Variants in ALB observed in about 807,000 individuals in gnomAD.
ALB encodes serum albumin.
In ALB, 37 loss-of-function variants were observed where a neutral mutation model predicts 74.5. The ratio of observed to expected loss-of-function variants is 0.50; its 90% confidence interval spans 0.38 to 0.65. ALB has a LOEUF of 0.65. ALB is among the 30% of genes least tolerant of loss of function. The probability of loss-of-function intolerance (pLI) is 0.00; values close to 1 mark genes in which losing one functional copy is unlikely to be tolerated. For synonymous variants in ALB, 249 were observed against 251.6 expected, an observed-to-expected ratio of 0.99 and a Z score of 0.10; for missense variants, 685 against 718.7, an observed-to-expected ratio of 0.95 and a Z score of 0.54.
intron 9 of ALB, chr4:73,415,384 T>G (rs894204777): frequency 3.8e-6 from 2 of 521,064 alleles, no homozygotes; most frequent in African/African-American, 3.9e-5. Flanking sequence ...AATAGAGCAA[T>G]CTCTAAAAAA....
chr4:73,415,665 A>G (rs1473391623), intron 9 of ALB, among the ~76,000 whole-genome samples: 2 of 152,200 alleles, frequency 1.3e-5, no homozygotes, highest in African/African-American at 2.4e-5. Flanking sequence ...TCCCACTAGC[A>G]TATGTAATGG....
At chr4:73,419,237 T>G in intron 12 of ALB, 1 of 341,068 alleles carries the variant, frequency 2.9e-6, no homozygotes, top group Non-Finnish European at 5.4e-6. Flanking sequence ...AGAAATTTGT[T>G]GACACTACAT....
chr4:73,417,060 A>G (rs1372488223), intron 10 of ALB, among the ~76,000 whole-genome samples: 2 of 152,220 alleles, frequency 1.3e-5, no homozygotes, highest in African/African-American at 4.8e-5. Context: ...TTGACTTTTA[A>G]TGGTGACTGG....
rs142102638 is a variant in ALB, at chr4:73,410,904, CT to C, written c.713+499del. Among the ~76,000 whole-genome samples the C allele has an allele frequency of 1.0e-2, 1,520 of 152,092 alleles. 29 individuals carry two copies. The highest frequency in any genetic ancestry group is 0.035 in the African/African-American group (1,437 of 41,488). On this transcript the variant is annotated intron_variant, in intron 6 of 14. Coordinates refer to ENST00000295897, the MANE Select transcript of ALB (RefSeq NM_000477.7). ...AATGATCTAAAACTATTTGCTTGTC[CT>C]TTTATGTCTTATAGTTAAATTCAGT... is the stretch of plus-strand genomic sequence containing the variant.
intron 2 of ALB, among the ~76,000 whole-genome samples, chr4:73,405,586 A>T (rs1718699695): frequency 6.6e-6 from 1 of 151,796 alleles, no homozygotes; most frequent in Admixed American, 6.6e-5. Flanking sequence ...TTAGTTGGGA[A>T]TATTTAATTT....
At position 73,413,379 on chromosome 4, in the gene ALB, T is replaced by A. The variant is rs1373979359; in HGVS notation, c.844-41T>A. On this transcript the variant is annotated intron_variant, in intron 7 of 14. Coordinates refer to ENST00000295897, the MANE Select transcript of ALB (RefSeq NM_000477.7). ...AAGGTCTGAGGAGAAAGTGTAGCAA[T>A]GTCAATTCGTGTTGAACAATTTCCA... The A allele has an allele frequency of 1.9e-6, 3 of 1,540,454 alleles. No individual in the cohort carries two copies. The Admixed American group carries it at 5.0e-5, about 26-fold the overall frequency.
In ALB at chr4:73,415,387, C is replaced by G. The variant is rs1206993212; in HGVS notation, c.1191+220C>G. The G allele has an allele frequency of 1.6e-5, 8 of 500,754 alleles. No homozygotes were observed. The Admixed American group carries it at 2.5e-4, about 16-fold the overall frequency. 31.0% of individuals were successfully genotyped at this position (500,754 alleles called of 1,614,324 possible). A position where few individuals can be genotyped will look rare whatever the true frequency, so the allele number is the denominator to read the frequency against. ...TAGAAAGATCTGAATAGAGCAATCTCTAAAAAATTTTGATCTTTTTTTCTC... is the reference window on the plus strand; with the variant it reads ...TAGAAAGATCTGAATAGAGCAATCTGTAAAAAATTTTGATCTTTTTTTCTC... On this transcript the variant is annotated intron_variant, in intron 9 of 14. Coordinates refer to ENST00000295897, the MANE Select transcript of ALB (RefSeq NM_000477.7).
intron 7 of ALB, among the ~76,000 whole-genome samples, chr4:73,413,030 C>G (rs1489067918): frequency 6.6e-6 from 1 of 152,116 alleles, no homozygotes; most frequent in Non-Finnish European, 1.5e-5. Context: ...GGGCCTATGA[C>G]TATGATCTTG....
intron 3 of ALB, among the ~76,000 whole-genome samples, chr4:73,407,886 T>C (rs1718773077): frequency 6.6e-6 from 1 of 152,196 alleles, no homozygotes; most frequent in Admixed American, 6.5e-5. Context: ...CCCCTTTTTA[T>C]TATGTACCTC....
rs868258305 is a variant in ALB, at chr4:73,421,231, A to C, written c.*163A>C. 1 of 606,040 alleles carries C rather than the reference A, an allele frequency of 1.7e-6. No individual in the cohort carries two copies. Among genetic ancestry groups the C allele is most frequent in the African/African-American group, 1.9e-5 (1 of 53,560 alleles). 37.5% of individuals were successfully genotyped at this position (606,040 alleles called of 1,614,324 possible). ...TTTTGCCTCTTTTCTCTGTGCTTCA[A>C]TTAATAAAAAATGGAAAGAATCTAA... On this transcript the variant is annotated 3_prime_UTR_variant, in exon 15 of 15. Transcript: ENST00000295897.
intron 1 of ALB, 55 bp from the exon 2 acceptor site, chr4:73,405,050 AAGTAACATTAT>A: frequency 1.4e-6 from 2 of 1,454,620 alleles, no homozygotes; most frequent in Non-Finnish European, 1.9e-6. Context: ...GAAATATAAA[AAGTAACATTAT>A]TACTTCTTGT....
chr4:73,415,287 G>A, intron 9 of ALB, 120 bp downstream of exon 9: 1 of 1,249,088 alleles, frequency 8.0e-7, no homozygotes. Context: ...TCTTGAGATG[G>A]TTTCAATTCT....
intron 2 of ALB, among the ~76,000 whole-genome samples, chr4:73,405,764 G>C (rs1718708303): frequency 6.6e-6 from 1 of 151,898 alleles, no homozygotes; most frequent in Admixed American, 6.6e-5. Flanking sequence ...CTAATCTTTT[G>C]TATTTTTAGT....
At chr4:73,407,154 T>A (rs2149327146) in intron 3 of ALB, among the ~76,000 whole-genome samples, 1 of 152,296 alleles carries the variant, frequency 6.6e-6, no homozygotes, top group African/African-American at 2.4e-5. Context: ...ATCTACCCTG[T>A]TATATTTTTA....
In ALB at chr4:73,411,997, G is replaced by T. The variant is rs1339083689; in HGVS notation, c.715G>T (p.Ala239Ser). 8 of 1,613,920 alleles carry T rather than the reference G, an allele frequency of 5.0e-6. No individual in the cohort carries two copies. Among genetic ancestry groups the T allele is most frequent in the African/African-American group, 4.0e-5 (3 of 74,874 alleles). Residue 239 changes from alanine (A) to serine (S), a missense_variant and splice_region_variant, in exon 7 of 15, where the codon GCA becomes TCA. By Grantham distance (99) the Ala-to-Ser change is moderately conservative. Coordinates refer to ENST00000295897, the MANE Select transcript of ALB (RefSeq NM_000477.7). ...TTTGATTGGCGATTTTCTTTTTAGG[G>T]CAGTAGCTCGCCTGAGCCAGAGATT... ...KFGERAFKAWAVARLSQRFPK... is the reference protein window; with the variant it reads ...KFGERAFKAWSVARLSQRFPK...
At chr4:73,415,891 T>G (rs907470159) in intron 9 of ALB, among the ~76,000 whole-genome samples, 3 of 152,328 alleles carry the variant, frequency 2.0e-5, no homozygotes, top group Non-Finnish European at 4.4e-5. Flanking sequence ...TTTAATTTCA[T>G]TAGCTTACCT....
chr4:73,409,172 CTT>C (rs1414223419), intron 4 of ALB, 181 bp from the exon 5 acceptor site: 9 of 694,692 alleles, frequency 1.3e-5, no homozygotes, highest in Non-Finnish European at 1.9e-5. Flanking sequence ...CACACACACA[CTT>C]AACCCTTTTT....
chr4:73,404,962 G>A, intron 1 of ALB, 154 bp from the exon 2 acceptor site: 1 of 676,506 alleles, frequency 1.5e-6, no homozygotes, highest in Admixed American at 2.6e-5. Context: ...AGAAATAATT[G>A]AACATCATCC....
At chr4:73,414,641 G>A (rs1347135317) in intron 8 of ALB, among the ~76,000 whole-genome samples, 1 of 152,112 alleles carries the variant, frequency 6.6e-6, no homozygotes, top group Non-Finnish European at 1.5e-5. Flanking sequence ...TTTTAGTAGA[G>A]ATGGGGTTTC....
Sources: allele counts gnomAD v4.1 joint callset (sites outside exome capture counted in the v4.1 genomes callset), GRCh38; gene constraint gnomAD v4.1.1; transcripts MANE v1.5; gene names NCBI Gene and HGNC (gene_info 2026-07-23, HGNC 2026-07-21).